SNX31: variants seen among roughly 807,000 people sequenced by gnomAD.
SNX31 encodes the protein sorting nexin 31, also known as sorting nexin-31.
Under a neutral mutation model 65.4 loss-of-function variants are expected in SNX31, and 58 were observed. The observed-to-expected ratio is 0.89, with a 90% CI of 0.72 to 1.10. The LOEUF (loss-of-function observed/expected upper bound fraction) is 1.10. Among genes scored for constraint, SNX31 ranks in the 50% least tolerant of loss-of-function variants. SNX31 has a pLI of 0.00. For missense variants in SNX31, 523 were observed against 529.7 expected (o/e 0.99, Z 0.12); for synonymous variants, 181 against 190.1 (o/e 0.95, Z 0.39).
At chr8:100,627,498 T>C (rs1422549531) in intron 4 of SNX31, among the ~76,000 whole-genome samples, 3 of 152,202 alleles carry the variant, frequency 2.0e-5, no homozygotes. Context: ...TGTGCAGATA[T>C]AGAATGATCT....
At chr8:100,600,559 A>T (rs1815528166) in intron 8 of SNX31, 118 bp from the exon 9 acceptor site, 5 of 698,742 alleles carry the variant, frequency 7.2e-6, no homozygotes, top group Non-Finnish European at 9.3e-6. Context: ...ATATTTAGGG[A>T]TTTAGCATAT....
At chr8:100,579,293 A>T (rs1813302331) in intron 12 of SNX31, among the ~76,000 whole-genome samples, 1 of 152,162 alleles carries the variant, frequency 6.6e-6, no homozygotes, top group South Asian at 2.1e-4. Flanking sequence ...AGTTTCCTTG[A>T]CTTCTTGCAA....
intron 2 of SNX31, among the ~76,000 whole-genome samples, chr8:100,645,167 G>A (rs1819538132): frequency 6.6e-6 from 1 of 152,226 alleles, no homozygotes; most frequent in Non-Finnish European, 1.5e-5. Flanking sequence ...CAGAAACTTA[G>A]TAAACATTTC....
At chr8:100,615,134 C>T (rs546017657) in intron 5 of SNX31, among the ~76,000 whole-genome samples, 1 of 152,320 alleles carries the variant, frequency 6.6e-6, no homozygotes, top group Admixed American at 6.5e-5. Flanking sequence ...GGTAGAACCT[C>T]CAGTTAAACT....
intron 12 of SNX31, among the ~76,000 whole-genome samples, chr8:100,579,746 A>T (rs537536151): frequency 1.2e-4 from 18 of 152,376 alleles, no homozygotes; most frequent in African/African-American, 4.1e-4. Flanking sequence ...TAAGGTAATC[A>T]GGAATCAGAA....
chr8:100,598,905 T>C (rs958044043), intron 9 of SNX31, among the ~76,000 whole-genome samples: 1 of 152,216 alleles, frequency 6.6e-6, no homozygotes, highest in African/African-American at 2.4e-5. Flanking sequence ...TAAAACTTTA[T>C]TTGCAAAATA....
At chr8:100,574,360 G>A (rs945905786) in intron 13 of SNX31, among the ~76,000 whole-genome samples, 13 of 152,208 alleles carry the variant, frequency 8.5e-5, no homozygotes, top group African/African-American at 2.4e-4. Context: ...GCGGCCAGGC[G>A]CAGTGGCTCA....
At chr8:100,593,090 T>A (rs1814735411) in intron 10 of SNX31, among the ~76,000 whole-genome samples, 1 of 152,232 alleles carries the variant, frequency 6.6e-6, no homozygotes, top group Non-Finnish European at 1.5e-5. Context: ...TAAAGTGTTC[T>A]AAAATTGATT....
upstream of SNX31, among the ~76,000 whole-genome samples, chr8:100,653,710 C>T (rs996895806): frequency 4.6e-5 from 7 of 152,118 alleles, no homozygotes; most frequent in African/African-American, 1.7e-4. Context: ...GTTTGAGGCA[C>T]TTTGTTATGG....
At chr8:100,596,023 C>T (rs889756400) in intron 10 of SNX31, among the ~76,000 whole-genome samples, 5 of 152,120 alleles carry the variant, frequency 3.3e-5, no homozygotes, top group East Asian at 1.9e-4. Flanking sequence ...GCTAAAAAAT[C>T]GCCAGGGATT....
intron 2 of SNX31, among the ~76,000 whole-genome samples, chr8:100,644,604 C>T (rs897665148): frequency 2.0e-5 from 3 of 152,174 alleles, no homozygotes; most frequent in African/African-American, 7.2e-5. Context: ...TGACAGAGGG[C>T]GCAGGTCACA....
rs571846391 is a variant in SNX31 at position 100,603,231 on chromosome 8, T to C, written c.682-2790A>G. On this transcript the variant is annotated intron_variant, in intron 8 of 13. Transcript: ENST00000311812. ...ATGAAACGCTGCCTTCTTTCCTGAA[T>C]TGTACTTGATGGTAGAGCCCAGTAA... Among the ~76,000 whole-genome samples the C allele has an allele frequency of 2.6e-5, 4 of 152,248 alleles. No homozygotes were observed. In the East Asian group the frequency reaches 7.7e-4, roughly 29 times the overall value.
intron 4 of SNX31, chr8:100,618,586 A>C (rs963447926): frequency 3.7e-6 from 2 of 543,086 alleles, no homozygotes; most frequent in African/African-American, 3.8e-5. Flanking sequence ...TATGGGGCCC[A>C]AGTTACCCAC....
At chr8:100,577,268 G>C (rs1475129108) in intron 12 of SNX31, among the ~76,000 whole-genome samples, 193 bp from the exon 13 acceptor site, 1 of 152,206 alleles carries the variant, frequency 6.6e-6, no homozygotes, top group Admixed American at 6.5e-5. Flanking sequence ...TACAGAAATA[G>C]AGTCCCCAAA....
rs1284095907 is a variant in SNX31, at chr8:100,609,596, T to C, written c.612-1033A>G. On this transcript the variant is annotated intron_variant, in intron 7 of 13. Coordinates refer to ENST00000311812, the MANE Select transcript of SNX31 (RefSeq NM_152628.4). This position sits in a 1 kb window ranked among gnomAD's most constrained non-coding sequence, Gnocchi z 4.9. ...TGAAACTGTCAGGAAAGGGTACCTA[T>C]GGCTGATCTCTACCAACCAGAAGGC... Among the ~76,000 whole-genome samples, 1 of 152,096 alleles carries C rather than the reference T, an allele frequency of 6.6e-6. No homozygotes were observed. Among genetic ancestry groups the C allele is most frequent in the Admixed American group, 6.6e-5 (1 of 15,252 alleles).
chr8:100,599,306 G>T (rs188844899), intron 9 of SNX31, among the ~76,000 whole-genome samples: 1 of 152,250 alleles, frequency 6.6e-6, no homozygotes, highest in East Asian at 1.9e-4. Context: ...ACTAAATTAA[G>T]AAGTTTATAG....
chr8:100,573,686 T>G lies in SNX31; in HGVS notation c.*179A>C. ...TTGGTTCTTTTTTTTTTTCTAATCT[T>G]GAGATTTCCATAGAGTGCTGTGGTA... On this transcript the variant is annotated 3_prime_UTR_variant, in exon 14 of 14. Coordinates refer to ENST00000311812, the MANE Select transcript of SNX31 (RefSeq NM_152628.4). The G allele has an allele frequency of 7.2e-4, 270 of 377,368 alleles. No homozygotes were observed. The highest frequency in any genetic ancestry group is 1.3e-3 in the East Asian group (33 of 25,472). The allele number at this position is 377,368 out of a possible 1,614,324, so 23.4% of individuals were successfully genotyped here.
chr8:100,626,881 C>T lies in SNX31; in HGVS notation c.321+3446G>A, dbSNP rs1020965690. On this transcript the variant is annotated intron_variant, in intron 4 of 13. Coordinates refer to ENST00000311812, the MANE Select transcript of SNX31 (RefSeq NM_152628.4). This position sits in a 1 kb window ranked among gnomAD's most constrained non-coding sequence, Gnocchi z 4.4. ...TATAAAAGTGAGCTGGTAAAGTTCA[C>T]GGAAGAAATGGAAGAGGAAAATAAA... is the stretch of plus-strand genomic sequence containing the variant. 6.6e-6 allele frequency among the ~76,000 whole-genome samples: 1 copy of T among 151,632 alleles called. No homozygotes were observed. The highest frequency in any genetic ancestry group is 6.6e-5 in the Admixed American group (1 of 15,212).
At chr8:100,585,919 G>T (rs1337786748) in intron 11 of SNX31, among the ~76,000 whole-genome samples, 2 of 152,098 alleles carry the variant, frequency 1.3e-5, no homozygotes, top group Non-Finnish European at 2.9e-5. Context: ...CAAAAGGATC[G>T]AGTTGTTGTT....
Sources: allele counts gnomAD v4.1 joint callset (sites outside exome capture counted in the v4.1 genomes callset), GRCh38; gene constraint gnomAD v4.1.1; non-coding constraint Gnocchi (gnomAD v3.1); transcripts MANE v1.5; gene names NCBI Gene and HGNC (gene_info 2026-07-23, HGNC 2026-07-21).